CDK14: variants seen among roughly 807,000 people sequenced by gnomAD.
CDK14 encodes the protein cyclin dependent kinase 14.
Under a neutral mutation model 60.7 loss-of-function variants are expected in CDK14, and 34 were observed. The observed-to-expected ratio is 0.56, with a 90% CI of 0.43 to 0.75. The LOEUF is 0.75. Among genes scored for constraint, CDK14 ranks in the 30% least tolerant of loss-of-function variants. The probability of loss-of-function intolerance (pLI) is 0.00; values close to 1 mark genes in which losing one functional copy is unlikely to be tolerated. For missense variants in CDK14, 482 were observed against 564.1 expected (o/e 0.85, Z 1.47); for synonymous variants, 197 against 203.7 (o/e 0.97, Z 0.28).
At chr7:91,189,762 C>T (rs1802302579) in intron 14 of CDK14, among the ~76,000 whole-genome samples, 1 of 152,184 alleles carries the variant, frequency 6.6e-6, no homozygotes, top group African/African-American at 2.4e-5. Context: ...ATTTTTCTCA[C>T]TACCTTATCA....
At chr7:91,175,785 A>G (rs1190950946) in intron 14 of CDK14, among the ~76,000 whole-genome samples, 1 of 147,208 alleles carries the variant, frequency 6.8e-6, no homozygotes, top group African/African-American at 2.5e-5. Flanking sequence ...TGCACCCAAT[A>G]CAGGAGCACC....
chr7:90,707,812 T>C lies in CDK14; in HGVS notation c.124-18755T>C, dbSNP rs181162448. Among the ~76,000 whole-genome samples the C allele has an allele frequency of 3.3e-5, 5 of 152,308 alleles. No homozygotes were observed. In the East Asian group the frequency reaches 9.6e-4, roughly 29 times the overall value. On this transcript the variant is annotated intron_variant, in intron 2 of 14. Transcript: ENST00000380050. ...CTGTGAAGTCTTTTTTTGAGCCACC[T>C]AAGGAATATTATTTATACTGAATAG...
intron 10 of CDK14, among the ~76,000 whole-genome samples, chr7:90,999,063 T>C (rs1795769048): frequency 6.6e-6 from 1 of 152,112 alleles, no homozygotes; most frequent in African/African-American, 2.4e-5. Flanking sequence ...TTTTCTCTTC[T>C]TATAAAGCCA....
intron 4 of CDK14, among the ~76,000 whole-genome samples, chr7:90,785,070 G>A (rs916239725): frequency 2.0e-5 from 3 of 152,166 alleles, no homozygotes; most frequent in Non-Finnish European, 4.4e-5. Flanking sequence ...GCAAGGAAAC[G>A]AGCATTGTAT....
chr7:91,039,870 T>A (rs1397611123), intron 10 of CDK14, among the ~76,000 whole-genome samples: 2 of 152,082 alleles, frequency 1.3e-5, no homozygotes, highest in South Asian at 2.1e-4. Flanking sequence ...GGCAGGTGGA[T>A]CACTTGAGCC....
intron 5 of CDK14, among the ~76,000 whole-genome samples, chr7:90,807,724 A>G (rs1193393313): frequency 6.6e-6 from 1 of 152,132 alleles, no homozygotes; most frequent in Non-Finnish European, 1.5e-5. Flanking sequence ...TTGAAAAAAC[A>G]TAGACAAATG....
chr7:91,092,203 A>G (rs1056371572), intron 12 of CDK14, among the ~76,000 whole-genome samples: 4 of 152,192 alleles, frequency 2.6e-5, no homozygotes, highest in African/African-American at 9.7e-5. Flanking sequence ...TGTAGAGTTA[A>G]AGTCAGGAAT....
chr7:90,959,341 T>A (rs956370949), intron 9 of CDK14, among the ~76,000 whole-genome samples: 1 of 152,192 alleles, frequency 6.6e-6, no homozygotes, highest in Non-Finnish European at 1.5e-5. Flanking sequence ...GAATCTGATT[T>A]CAAGCCATTT....
At chr7:90,639,878 G>A (rs537139904) in intron 2 of CDK14, among the ~76,000 whole-genome samples, 1 of 152,236 alleles carries the variant, frequency 6.6e-6, no homozygotes, top group African/African-American at 2.4e-5. Context: ...TCAGACTGCT[G>A]TGCTAGCAAT....
intron 5 of CDK14, among the ~76,000 whole-genome samples, chr7:90,832,707 A>G (rs546408548): frequency 6.6e-6 from 1 of 152,344 alleles, no homozygotes; most frequent in Non-Finnish European, 1.5e-5. Context: ...TGCAGGAAAC[A>G]CTTTTCCTCT....
chr7:90,992,325 C>G (rs1178681618), intron 10 of CDK14, among the ~76,000 whole-genome samples: 1 of 152,122 alleles, frequency 6.6e-6, no homozygotes, highest in Admixed American at 6.5e-5. Context: ...ATTGGAGTAC[C>G]ACAAACTTTC....
At chr7:91,125,086 A>C (rs1423331905) in intron 14 of CDK14, among the ~76,000 whole-genome samples, 1 of 152,168 alleles carries the variant, frequency 6.6e-6, no homozygotes, top group Non-Finnish European at 1.5e-5. Flanking sequence ...ATGACATTTG[A>C]ATGCACAGAG....
chr7:90,614,105 C>T (rs1799602051), intron 2 of CDK14, among the ~76,000 whole-genome samples: 1 of 149,244 alleles, frequency 6.7e-6, no homozygotes, highest in South Asian at 2.1e-4. Flanking sequence ...TTCCTGGGTT[C>T]AAGTGATTCT....
At chr7:91,176,963 G>A (rs1801785516) in intron 14 of CDK14, among the ~76,000 whole-genome samples, 1 of 152,030 alleles carries the variant, frequency 6.6e-6, no homozygotes, top group African/African-American at 2.4e-5. Context: ...ATTTTATGAG[G>A]CCAGCATCAT....
At chr7:90,867,559 C>T (rs887999988) in intron 6 of CDK14, among the ~76,000 whole-genome samples, 2 of 151,922 alleles carry the variant, frequency 1.3e-5, no homozygotes, top group Non-Finnish European at 2.9e-5. Context: ...TTTTTCATTA[C>T]ATATTTAATA....
chr7:90,895,409 T>A lies in CDK14; in HGVS notation c.640-3882T>A, dbSNP rs1188547710. Among the ~76,000 whole-genome samples the A allele has an allele frequency of 6.9e-4, 10 of 14,480 alleles. 1 individual carries two copies. The highest frequency in any genetic ancestry group is 3.5e-3 in the East Asian group (1 of 282). The allele number at this position is 14,480 out of a possible 152,430, so 9.5% of individuals were successfully genotyped here. A position where few individuals can be genotyped will look rare whatever the true frequency, so the allele number is the denominator to read the frequency against. On this transcript the variant is annotated intron_variant, in intron 6 of 14. Transcript: ENST00000380050. ...TCCTCTCCTCTCCTCTCCTCTCCTC[T>A]CCTCTCCTCTCCTCTCCTCTCCTCT...
At chr7:90,804,770 G>A (rs1261576100) in intron 5 of CDK14, among the ~76,000 whole-genome samples, 1 of 151,898 alleles carries the variant, frequency 6.6e-6, no homozygotes, top group Non-Finnish European at 1.5e-5. Flanking sequence ...AAATTTATAT[G>A]ACATTTTGTC....
intron 1 of CDK14, 22 bp downstream of exon 1, chr7:90,596,740 GC>G (rs752298507): frequency 2.6e-5 from 41 of 1,583,728 alleles, no homozygotes; most frequent in East Asian, 4.5e-5. Context: ...GCTGCCCCCG[GC>G]CCCCCCAGCG....
At chr7:91,197,622 A>T (rs548177944) in intron 14 of CDK14, among the ~76,000 whole-genome samples, 31 of 152,330 alleles carry the variant, frequency 2.0e-4, no homozygotes, top group African/African-American at 7.5e-4. Flanking sequence ...TTATCTTCCA[A>T]ACAGAACCTT....
Sources: gnomAD v4.1 joint callset for allele counts (sites outside exome capture counted in the v4.1 genomes callset) on GRCh38, gnomAD v4.1.1 for gene constraint, MANE v1.5 for transcripts, NCBI Gene and HGNC (gene_info 2026-07-23, HGNC 2026-07-21) for gene names.